Variants in CNTNAP2 observed in about 807,000 individuals in gnomAD.
CNTNAP2 encodes contactin-associated protein-like 2.
Under a neutral mutation model 155.2 loss-of-function variants are expected in CNTNAP2, and 98 were observed. The observed-to-expected ratio is 0.63, with a 90% CI of 0.54 to 0.75. The LOEUF (loss-of-function observed/expected upper bound fraction) is 0.75, where lower values mean the gene tolerates loss of function less well. Ranked by LOEUF, CNTNAP2 falls within the 30% of genes least tolerant of loss-of-function variation. The pLI, the probability that CNTNAP2 is intolerant of heterozygous loss-of-function variation, is 0.00. For synonymous variants in CNTNAP2, 651 were observed against 631.2 expected, an observed-to-expected ratio of 1.03 and a Z score of -0.47; for missense variants, 1,727 against 1,688.1, an observed-to-expected ratio of 1.02 and a Z score of -0.40.
intron 1 of CNTNAP2, among the ~76,000 whole-genome samples, chr7:146,533,606 A>G (rs1797802643): frequency 6.6e-6 from 1 of 152,176 alleles, no homozygotes; most frequent in Non-Finnish European, 1.5e-5. Flanking sequence ...ATTTGTGTTC[A>G]TGGTTCTTCA....
At chr7:146,398,442 C>G (rs1795666113) in intron 1 of CNTNAP2, among the ~76,000 whole-genome samples, 1 of 151,984 alleles carries the variant, frequency 6.6e-6, no homozygotes, top group Admixed American at 6.6e-5. Context: ...ATGCGAATAG[C>G]GTGGAGGAAA....
intron 3 of CNTNAP2, among the ~76,000 whole-genome samples, chr7:146,906,291 G>A (rs1272366934): frequency 6.6e-6 from 1 of 152,214 alleles, no homozygotes; most frequent in East Asian, 1.9e-4. Flanking sequence ...GAACTGGGTG[G>A]AGCCCACCAC....
chr7:146,180,493 A>G (rs1798534860), intron 1 of CNTNAP2, among the ~76,000 whole-genome samples: 1 of 152,094 alleles, frequency 6.6e-6, no homozygotes, highest in African/African-American at 2.4e-5. Flanking sequence ...AAGTCGATAA[A>G]TTTTTAAATT....
At chr7:148,213,734 C>T (rs1795588683) in intron 18 of CNTNAP2, among the ~76,000 whole-genome samples, 1 of 152,132 alleles carries the variant, frequency 6.6e-6, no homozygotes, top group Non-Finnish European at 1.5e-5. Context: ...CCCTGCCTGC[C>T]CTTCCTGACT....
intron 1 of CNTNAP2, among the ~76,000 whole-genome samples, chr7:146,631,694 T>TAA (rs1799513705): frequency 6.6e-6 from 1 of 152,192 alleles, no homozygotes; most frequent in African/African-American, 2.4e-5. Context: ...AATGGCACGC[T>TAA]ATTGGACCAT....
rs568037297 is a variant in CNTNAP2, at chr7:147,127,903, A to T, written c.940-790A>T. On this transcript the variant is annotated intron_variant, in intron 6 of 23. Transcript: ENST00000361727. ...ACTACTAATTCACTATTCATAGTAA[A>T]TATCATCCTTGACCATGCAAATACT... Among the ~76,000 whole-genome samples the T allele has an allele frequency of 4.6e-5, 7 of 152,306 alleles. No homozygotes were observed. In the East Asian group the frequency reaches 1.2e-3, roughly 25 times the overall value.
chr7:147,170,236 G>A lies in CNTNAP2; in HGVS notation c.1348+37727G>A, dbSNP rs534294105. On this transcript the variant is annotated intron_variant, in intron 8 of 23. Transcript: ENST00000361727. ...GAATGGTTTTGTGGTGGTGTAGTTT[G>A]GGGTGCAATCCGTAGATGGTGCTTT... 2.0e-5 allele frequency among the ~76,000 whole-genome samples: 3 copies of A among 152,192 alleles called. No individual in the cohort carries two copies. The South Asian group carries it at 6.2e-4, about 32-fold the overall frequency.
intron 9 of CNTNAP2, among the ~76,000 whole-genome samples, chr7:147,325,017 G>T (rs1383594808): frequency 7.2e-5 from 11 of 152,116 alleles, no homozygotes; most frequent in Non-Finnish European, 1.3e-4. Context: ...GAAAATAAAT[G>T]TATAGGCCTG....
intron 13 of CNTNAP2, among the ~76,000 whole-genome samples, chr7:147,901,567 T>C (rs1799868155): frequency 1.3e-5 from 2 of 152,216 alleles, no homozygotes; most frequent in South Asian, 2.1e-4. Context: ...ATTTTCCAAA[T>C]AGAAGTTTAC....
intron 1 of CNTNAP2, among the ~76,000 whole-genome samples, chr7:146,335,458 A>G (rs1181200570): frequency 1.3e-5 from 2 of 152,176 alleles, no homozygotes; most frequent in Non-Finnish European, 2.9e-5. Context: ...CCTTCTCTTA[A>G]GAAGGAGCCC....
At chr7:147,294,214 C>T (rs938316735) in intron 8 of CNTNAP2, among the ~76,000 whole-genome samples, 7 of 152,178 alleles carry the variant, frequency 4.6e-5, no homozygotes, top group African/African-American at 1.7e-4. Flanking sequence ...TTTTTACTAA[C>T]TTGCACATAA....
At chr7:146,168,078 C>G (rs1338862833) in intron 1 of CNTNAP2, among the ~76,000 whole-genome samples, 1 of 152,124 alleles carries the variant, frequency 6.6e-6, no homozygotes, top group Non-Finnish European at 1.5e-5. Flanking sequence ...CCACCTTCTT[C>G]TGTCTGCTTT....
chr7:148,017,600 G>A (rs1223685935), intron 15 of CNTNAP2, among the ~76,000 whole-genome samples: 1 of 152,148 alleles, frequency 6.6e-6, no homozygotes, highest in Non-Finnish European at 1.5e-5. Flanking sequence ...ACTAGAACTA[G>A]AATCTAAGTA....
intron 1 of CNTNAP2, among the ~76,000 whole-genome samples, chr7:146,287,285 T>C (rs773416192): frequency 3.9e-5 from 6 of 152,134 alleles, no homozygotes; most frequent in Non-Finnish European, 8.8e-5. Flanking sequence ...ATCAATTTAA[T>C]AATTTACACT....
chr7:147,820,751 GT>G (rs1393846413), intron 13 of CNTNAP2, among the ~76,000 whole-genome samples: 1 of 151,998 alleles, frequency 6.6e-6, no homozygotes, highest in Non-Finnish European at 1.5e-5. Flanking sequence ...AGAAACATTT[GT>G]GAAAAAAACT....
chr7:147,347,650 A>C (rs1795901072), intron 9 of CNTNAP2, among the ~76,000 whole-genome samples: 1 of 151,806 alleles, frequency 6.6e-6, no homozygotes, highest in Admixed American at 6.6e-5. Flanking sequence ...TCAAAATAGG[A>C]ATTACATTCT....
intron 6 of CNTNAP2, among the ~76,000 whole-genome samples, chr7:147,124,469 T>A (rs1260465577): frequency 6.6e-6 from 1 of 152,152 alleles, no homozygotes; most frequent in Non-Finnish European, 1.5e-5. Flanking sequence ...ATGGTGCGAA[T>A]TTCCCACCAT....
At chr7:146,970,571 G>T (rs1417840467) in intron 3 of CNTNAP2, among the ~76,000 whole-genome samples, 2 of 152,152 alleles carry the variant, frequency 1.3e-5, no homozygotes, top group African/African-American at 4.8e-5. Flanking sequence ...ACAGGTGCTG[G>T]AGAGGATGTG....
At chr7:146,865,730 T>C (rs1335319200) in intron 3 of CNTNAP2, among the ~76,000 whole-genome samples, 3 of 152,124 alleles carry the variant, frequency 2.0e-5, no homozygotes, top group African/African-American at 7.2e-5. Context: ...CAGCCATTTA[T>C]TAGGACAAAA....
Sources: gnomAD v4.1 joint callset for allele counts (sites outside exome capture counted in the v4.1 genomes callset) on GRCh38, gnomAD v4.1.1 for gene constraint, MANE v1.5 for transcripts, NCBI Gene and HGNC (gene_info 2026-07-23, HGNC 2026-07-21) for gene names.